The following GNB3 variants were observed in gnomAD, a reference collection of about 807,000 sequenced individuals.
GNB3 encodes G protein subunit beta 3, also known as guanine nucleotide-binding protein G(I)/G(S)/G(T) subunit beta-3.
A neutral mutation model predicts 41.2 loss-of-function variants in GNB3; 33 were observed. That is an observed-to-expected ratio of 0.80 (90% confidence interval 0.61 to 1.07). The LOEUF is 1.07. Among genes scored for constraint, GNB3 ranks in the 50% least tolerant of loss-of-function variants. The pLI is 0.00. For synonymous variants in GNB3, 172 were observed against 173.4 expected (o/e 0.99, Z 0.06); for missense variants, 409 against 455.3 (o/e 0.90, Z 0.92).
In GNB3 at chr12:6,844,034, A is replaced by G. The variant is rs1943630407; in HGVS notation, c.699+56A>G. ...CAACTCCTTCCCCGACACTCCCCAC[A>G]ACACATACAATACACATCCTCTGCC... On this transcript the variant is annotated intron_variant, in intron 8 of 9. Coordinates refer to ENST00000229264, the MANE Select transcript of GNB3 (RefSeq NM_002075.4). The G allele has an allele frequency of 8.2e-6, 10 of 1,219,762 alleles. No homozygotes were observed. In the South Asian group the frequency reaches 1.3e-4, roughly 16 times the overall value. 75.6% of individuals were successfully genotyped at this position (1,219,762 alleles called of 1,614,324 possible).
chr12:6,843,890 G>A lies in GNB3; in HGVS notation c.611G>A (p.Cys204Tyr), dbSNP rs782433943. Residue 204 changes from cysteine (C) to tyrosine (Y), a missense_variant, in exon 8 of 10, where the codon TGT becomes TAT. By Grantham distance (194) the Cys-to-Tyr change is radical. Coordinates refer to ENST00000229264, the MANE Select transcript of GNB3 (RefSeq NM_002075.4). This position sits in a 1 kb window ranked among gnomAD's most constrained non-coding sequence, Gnocchi z 5.9. ...TTCAATCTCTTCATTTCGGGGGCCT[G>A]TGATGCCAGTGCCAAGCTCTGGGAT... ...PDFNLFISGA[C>Y]DASAKLWDVR... The A allele has an allele frequency of 7.4e-6, 12 of 1,614,090 alleles. 1 individual carries two copies. The South Asian group carries it at 9.9e-5, about 13-fold the overall frequency.
chr12:6,841,784 C>A, intron 3 of GNB3, 160 bp downstream of exon 3: 1 of 714,734 alleles, frequency 1.4e-6, no homozygotes, highest in South Asian at 1.5e-5. Context: ...GGGACCTGCT[C>A]TGAGCCAGGC....
intron 9 of GNB3, 143 bp downstream of exon 9, chr12:6,845,945 C>T: frequency 1.5e-6 from 1 of 650,014 alleles, no homozygotes; most frequent in Non-Finnish European, 2.7e-6. Flanking sequence ...CCCCTGGAAT[C>T]CAGTACCCCT....
Position 6,846,700 on chromosome 12 carries a change from CCCA to C in GNB3, c.917-90_917-88del, listed in dbSNP as rs1943711268. The C allele has an allele frequency of 1.0e-5, 7 of 675,056 alleles. No individual in the cohort carries two copies. The Admixed American group carries it at 1.5e-4, about 15-fold the overall frequency. The allele number at this position is 675,056 out of a possible 1,614,324, so 41.8% of individuals were successfully genotyped here. On this transcript the variant is annotated intron_variant, in intron 9 of 9. Coordinates refer to ENST00000229264, the MANE Select transcript of GNB3 (RefSeq NM_002075.4). ...CCACACACCCACATACACACACACA[CCCA>C]CACACCCACACATACACTTACACGC...
In GNB3 at chr12:6,846,876, G is replaced by A; in HGVS notation, c.1001G>A (p.Ser334Asn). 1.3e-6 allele frequency: 2 copies of A among 1,591,970 alleles called. No individual in the cohort carries two copies. The highest frequency in any genetic ancestry group is 1.7e-6 in the Non-Finnish European group (2 of 1,168,236). ...GMAVATGSWD[S>N]FLKIWN is the part of the protein sequence containing the mutation. ...GCTGTGGCCACAGGTTCCTGGGACA[G>A]CTTCCTCAAAATCTGGAACTGAGGA... Residue 334 changes from serine (S) to asparagine (N), a missense_variant, in exon 10 of 10, where the codon AGC becomes AAC. Transcript: ENST00000229264.
intron 1 of GNB3, 82 bp from the exon 2 acceptor site, chr12:6,841,176 T>G: frequency 2.4e-6 from 2 of 843,912 alleles, no homozygotes; most frequent in Non-Finnish European, 2.0e-6. Flanking sequence ...TTTCCCTGTG[T>G]CTTGGAGTCT....
chr12:6,847,220 T>G lies in GNB3; in HGVS notation c.*322T>G. On this transcript the variant is annotated 3_prime_UTR_variant, in exon 10 of 10. Transcript: ENST00000229264. Reference sequence around the variant, plus strand: ...GAGTCTGAGGCCCCAGGCCCTAGGATTCCTCCCCCAGAGCCACTACCTTTG... The same window carrying G: ...GAGTCTGAGGCCCCAGGCCCTAGGAGTCCTCCCCCAGAGCCACTACCTTTG... 1 of 334,664 alleles carries G rather than the reference T, an allele frequency of 3.0e-6. No individual in the cohort carries two copies. The highest frequency in any genetic ancestry group is 5.6e-6 in the Non-Finnish European group (1 of 177,256). 20.7% of individuals were successfully genotyped at this position (334,664 alleles called of 1,614,324 possible).
At position 6,843,475 on chromosome 12, in the gene GNB3, A is replaced by G. The variant is rs1555123844; in HGVS notation, c.380A>G (p.Lys127Arg). 13 of 1,614,068 alleles carry G rather than the reference A, an allele frequency of 8.1e-6. No individual in the cohort carries two copies. In the East Asian group the frequency reaches 2.9e-4, roughly 36 times the overall value. ...AACATGTGTTCCATCTACAACCTCA[A>G]ATCCCGTGAGGGCAATGTCAAGGTC... ...LDNMCSIYNL[K>R]SREGNVKVSR... Residue 127 changes from lysine (K) to arginine (R), a missense_variant, in exon 6 of 10, where the codon AAA becomes AGA. By Grantham distance (26) the Lys-to-Arg change is conservative. Coordinates refer to ENST00000229264, the MANE Select transcript of GNB3 (RefSeq NM_002075.4). The surrounding 1 kb of genome is among the most constrained non-coding windows in gnomAD (Gnocchi z 5.9).
chr12:6,843,951 C>T lies in GNB3; in HGVS notation c.672C>T (p.Gly224=). 1 of 1,613,286 alleles carries T rather than the reference C, an allele frequency of 6.2e-7. No homozygotes were observed. Reference sequence around the variant, plus strand: ...GGACCTGCCGTCAGACTTTCACTGGCCACGAGTCGGACATCAACGCCATCT... The same window carrying T: ...GGACCTGCCGTCAGACTTTCACTGGTCACGAGTCGGACATCAACGCCATCT... ...REGTCRQTFT[G]HESDINAICF... Residue 224 remains glycine, a synonymous_variant, in exon 8 of 10, where the codon GGC becomes GGT. Transcript: ENST00000229264. The surrounding 1 kb of genome is among the most constrained non-coding windows in gnomAD (Gnocchi z 5.9).
intron 1 of GNB3, 36 bp from the exon 2 acceptor site, chr12:6,841,222 G>A (rs1565517022): frequency 7.4e-7 from 1 of 1,346,200 alleles, no homozygotes; most frequent in South Asian, 1.2e-5. Flanking sequence ...CAGCCTGGTG[G>A]GGGGTTCCTC....
intron 8 of GNB3, chr12:6,844,769 A>G (rs1180840419): frequency 1.3e-5 from 2 of 152,224 alleles, no homozygotes; most frequent in African/African-American, 2.4e-5. Context: ...AGAAATAGCC[A>G]TAGATACACA....
At chr12:6,841,736 GA>G in intron 3 of GNB3, 112 bp downstream of exon 3, 1 of 788,526 alleles carries the variant, frequency 1.3e-6, no homozygotes, top group Non-Finnish European at 2.2e-6. Flanking sequence ...TTGGAGTGAG[GA>G]AACCCATTAA....
In GNB3 at chr12:6,845,713, T is replaced by C; in HGVS notation, c.827T>C (p.Val276Ala). Residue 276 changes from valine (V) to alanine (A), a missense_variant, in exon 9 of 10, where the codon GTG becomes GCG. By Grantham distance (64) the Val-to-Ala change is moderately conservative. Coordinates refer to ENST00000229264, the MANE Select transcript of GNB3 (RefSeq NM_002075.4). ...HESIICGITS[V>A]AFSLSGRLLF... The stretch of plus-strand genomic sequence containing the variant: ...AGCATCATCTGCGGCATCACGTCCG[T>C]GGCCTTCTCCCTCAGTGGCCGCCTA... 6.2e-7 allele frequency: 1 copy of C among 1,614,130 alleles called. No individual in the cohort carries two copies. Among genetic ancestry groups the C allele is most frequent in the Non-Finnish European group, 8.5e-7 (1 of 1,179,964 alleles).
chr12:6,845,885 C>A, intron 9 of GNB3, 83 bp downstream of exon 9: 1 of 970,170 alleles, frequency 1.0e-6, no homozygotes. Flanking sequence ...CCCCCATCAG[C>A]TCCCATTTCG....
At chr12:6,846,206 C>A (rs73260803) in intron 9 of GNB3, 2,133 of 205,410 alleles carry the variant, frequency 0.01, 45 homozygotes, top group African/African-American at 0.046. Flanking sequence ...TCATCTAAGA[C>A]TAGCCTGAAG....
chr12:6,845,388 G>T, intron 8 of GNB3, 198 bp from the exon 9 acceptor site: 1 of 592,158 alleles, frequency 1.7e-6, no homozygotes, highest in Non-Finnish European at 3.0e-6. Flanking sequence ...AGTGCAGAGC[G>T]GGCGAGGGGC....
At chr12:6,842,926 A>C (rs1555123673) in intron 3 of GNB3, 44 bp from the exon 4 acceptor site, 2 of 1,296,460 alleles carry the variant, frequency 1.5e-6, no homozygotes, top group Admixed American at 2.3e-5. Flanking sequence ...ACATCTGGGC[A>C]CGTAACCTGC....
Position 6,846,821 on chromosome 12 carries a change from A to T in GNB3, c.946A>T (p.Ser316Cys). 1 of 1,599,924 alleles carries T rather than the reference A, an allele frequency of 6.3e-7. No homozygotes were observed. ...GILSGHDNRVSCLGVTADGMA... is the reference protein window; with the variant it reads ...GILSGHDNRVCCLGVTADGMA... ...CCTCTCTGGCCACGATAACAGGGTG[A>T]GCTGCCTGGGAGTCACAGCTGACGG... The change falls in exon 10 of 10, where the codon AGC (serine) becomes TGC (cysteine). Residue 316 changes from serine (S) to cysteine (C), a missense_variant. Ser to Cys is a moderately radical substitution (Grantham distance 112). Transcript: ENST00000229264.
At chr12:6,846,624 CACACACACGT>C in intron 9 of GNB3, 158 bp from the exon 10 acceptor site, 3 of 570,986 alleles carry the variant, frequency 5.3e-6, no homozygotes, top group Non-Finnish European at 9.5e-6. Context: ...CACACATGCA[CACACACACGT>C]ACACACACCC....
Sources: allele counts gnomAD v4.1 joint callset, GRCh38; gene constraint gnomAD v4.1.1; non-coding constraint Gnocchi (gnomAD v3.1); transcripts MANE v1.5; gene names NCBI Gene and HGNC (gene_info 2026-07-23, HGNC 2026-07-21).